EEF1AKMT3: variants seen among roughly 807,000 people sequenced by gnomAD.
EEF1AKMT3 encodes eEF1A-KMT3.
EEF1AKMT3 carries 17 observed loss-of-function variants against 17.8 expected under a neutral mutation model. The ratio of observed to expected loss-of-function variants is 0.96; its 90% CI spans 0.65 to 1.43. The LOEUF (loss-of-function observed/expected upper bound fraction) is 1.43. Ranked by LOEUF, EEF1AKMT3 falls within the 40% of genes most tolerant of loss-of-function variation. The pLI, the probability that EEF1AKMT3 is intolerant of heterozygous loss-of-function variation, is 0.00. For missense variants in EEF1AKMT3, 244 were observed against 285.8 expected (o/e 0.85, Z 1.06); for synonymous variants, 116 against 126.5 (o/e 0.92, Z 0.56).
At chr12:57,778,166 A>C (rs1308057640) in intron 2 of EEF1AKMT3, among the ~76,000 whole-genome samples, 1 of 152,028 alleles carries the variant, frequency 6.6e-6, no homozygotes, top group Non-Finnish European at 1.5e-5. Context: ...TGTCAAACTT[A>C]ACGTGCTCAG....
Position 57,772,921 on chromosome 12 carries a change from G to A in EEF1AKMT3, c.177+20G>A. 1 of 1,613,408 alleles carries A rather than the reference G, an allele frequency of 6.2e-7. No individual in the cohort carries two copies. Among genetic ancestry groups the A allele is most frequent in the East Asian group, 2.2e-5 (1 of 44,874 alleles). The stretch of plus-strand genomic sequence containing the variant: ...GACGCGGTGAGGAATGGGCTGCGCC[G>A]GGTGAGGGTCCGTGGGAGGTCCAGA... On this transcript the variant is annotated intron_variant, in intron 1 of 2. Coordinates refer to ENST00000300209, the MANE Select transcript of EEF1AKMT3 (RefSeq NM_015433.3). This position sits in a 1 kb window ranked among gnomAD's most constrained non-coding sequence, Gnocchi z 4.1.
chr12:57,777,891 C>T (rs893050575), intron 2 of EEF1AKMT3, among the ~76,000 whole-genome samples: 5 of 151,954 alleles, frequency 3.3e-5, no homozygotes, highest in Admixed American at 6.6e-5. Flanking sequence ...TGGTGGCAGG[C>T]GCCTGTAATC....
chr12:57,776,972 G>A (rs1955484384), intron 2 of EEF1AKMT3, among the ~76,000 whole-genome samples: 1 of 152,096 alleles, frequency 6.6e-6, no homozygotes, highest in Non-Finnish European at 1.5e-5. Context: ...TCTAATGATT[G>A]CTTCTGTTTT....
chr12:57,779,321 T>C (rs1331316719), intron 2 of EEF1AKMT3, among the ~76,000 whole-genome samples: 1 of 152,178 alleles, frequency 6.6e-6, no homozygotes, highest in Non-Finnish European at 1.5e-5. Flanking sequence ...TTTTATTTTA[T>C]TTATTTTGTT....
Position 57,772,964 on chromosome 12 carries a change from C to A in EEF1AKMT3, c.178-53C>A, listed in dbSNP as rs1258982689. 1.9e-6 allele frequency: 3 copies of A among 1,613,368 alleles called. No homozygotes were observed. Among genetic ancestry groups the A allele is most frequent in the African/African-American group, 2.7e-5 (2 of 74,920 alleles). ...GGTCCAGATCCCGGACTCCGCCTCT[C>A]CCATATGGAGCCATCCTCACGACTG... On this transcript the variant is annotated intron_variant, in intron 1 of 2. Coordinates refer to ENST00000300209, the MANE Select transcript of EEF1AKMT3 (RefSeq NM_015433.3). This position sits in a 1 kb window ranked among gnomAD's most constrained non-coding sequence, Gnocchi z 4.1.
Position 57,775,467 on chromosome 12 carries a change from C to T in EEF1AKMT3, c.289+2339C>T, listed in dbSNP as rs146589551. 6.7e-3 allele frequency among the ~76,000 whole-genome samples: 1,022 copies of T among 151,962 alleles called. 11 individuals carry two copies. Among genetic ancestry groups the T allele is most frequent in the Middle Eastern group, 0.031 (9 of 294 alleles). On this transcript the variant is annotated intron_variant, in intron 2 of 2. Coordinates refer to ENST00000300209, the MANE Select transcript of EEF1AKMT3 (RefSeq NM_015433.3). ...CATGATCTCGGCTCACCGCAACATC[C>T]GCCTCCTGGGTTCAACCGATTCTCC...
rs2140406225 is a variant in EEF1AKMT3 at position 57,773,109 on chromosome 12, G to A, written c.270G>A (p.Gly90=). The stretch of plus-strand genomic sequence containing the variant: ...TGGGTGCGGGGACAGGCATCGTGGG[G>A]ATCTTGGCAGCGCTGCAGGGTGCGT... ...IELGAGTGIV[G]ILAALQGGDV... is the part of the protein sequence containing the mutation. Residue 90 remains glycine, a synonymous_variant, in exon 2 of 3, where the codon GGG becomes GGA. Coordinates refer to ENST00000300209, the MANE Select transcript of EEF1AKMT3 (RefSeq NM_015433.3). 6.2e-7 allele frequency: 1 copy of A among 1,614,214 alleles called. No individual in the cohort carries two copies. Among genetic ancestry groups the A allele is most frequent in the Non-Finnish European group, 8.5e-7 (1 of 1,180,044 alleles).
chr12:57,772,710 CCCT>C lies in EEF1AKMT3; in HGVS notation c.-14_-12del, dbSNP rs1955449518. 1 of 1,609,590 alleles carries C rather than the reference CCCT, an allele frequency of 6.2e-7. No individual in the cohort carries two copies. The highest frequency in any genetic ancestry group is 1.3e-5 in the African/African-American group (1 of 75,024). ...GCGCCGGCCGCGGTGCCCAGGCACT[CCCT>C]TGGCGGGCCGGATGGCGGACCCCGG... On this transcript the variant is annotated 5_prime_UTR_variant, in exon 1 of 3. Coordinates refer to ENST00000300209, the MANE Select transcript of EEF1AKMT3 (RefSeq NM_015433.3). The surrounding 1 kb of genome is among the most constrained non-coding windows in gnomAD (Gnocchi z 4.1).
chr12:57,773,685 G>A (rs753685527), intron 2 of EEF1AKMT3, among the ~76,000 whole-genome samples: 2 of 152,028 alleles, frequency 1.3e-5, no homozygotes, highest in Admixed American at 6.5e-5. Context: ...CTCGCGAGGC[G>A]CCTGGGATTA....
intron 2 of EEF1AKMT3, among the ~76,000 whole-genome samples, chr12:57,775,996 A>C (rs1024974217): frequency 6.6e-6 from 1 of 152,152 alleles, no homozygotes; most frequent in Non-Finnish European, 1.5e-5. Flanking sequence ...GGACTACTAC[A>C]ACAGCCACAC....
At position 57,782,287 on chromosome 12, in the gene EEF1AKMT3, G is replaced by T. The variant is rs1955521692; in HGVS notation, c.*1641G>T. On this transcript the variant is annotated 3_prime_UTR_variant, in exon 3 of 3. Transcript: ENST00000300209. ...TTCTCACCATTAAATTACCTTGGAG[G>T]GTAGGGCTGTGGTTTACTCCTGTCT... 2 of 153,036 alleles carry T rather than the reference G, an allele frequency of 1.3e-5. No homozygotes were observed. Among genetic ancestry groups the T allele is most frequent in the Non-Finnish European group, 2.9e-5 (2 of 68,628 alleles). The allele number at this position is 153,036 out of a possible 1,614,324, so 9.5% of individuals were successfully genotyped here.
chr12:57,776,994 T>A (rs987726515), intron 2 of EEF1AKMT3, among the ~76,000 whole-genome samples: 7 of 152,098 alleles, frequency 4.6e-5, no homozygotes, highest in Non-Finnish European at 1.0e-4. Context: ...TCAGAAAATG[T>A]CCATATATTT....
chr12:57,778,240 T>G (rs954954774), intron 2 of EEF1AKMT3, among the ~76,000 whole-genome samples: 1 of 149,600 alleles, frequency 6.7e-6, no homozygotes, highest in Non-Finnish European at 1.5e-5. Context: ...TCTAAATGAG[T>G]GGCAATTTGG....
intron 2 of EEF1AKMT3, among the ~76,000 whole-genome samples, chr12:57,775,123 A>AG (rs1955472409): frequency 6.6e-6 from 1 of 150,934 alleles, no homozygotes; most frequent in Non-Finnish European, 1.5e-5. Context: ...AAAAAAAAAA[A>AG]AAAAAAAAAG....
intron 2 of EEF1AKMT3, 58 bp from the exon 3 acceptor site, chr12:57,780,197 G>A: frequency 6.3e-7 from 1 of 1,592,260 alleles, no homozygotes; most frequent in South Asian, 1.1e-5. Flanking sequence ...CCAGGCAGGA[G>A]CCAAGAACCC....
intron 2 of EEF1AKMT3, among the ~76,000 whole-genome samples, chr12:57,773,385 A>G (rs1421156957): frequency 6.6e-6 from 1 of 151,848 alleles, no homozygotes; most frequent in East Asian, 1.9e-4. Context: ...GCAGGCCTAT[A>G]AGAAGGAGTT....
At chr12:57,776,257 C>G (rs1955479683) in intron 2 of EEF1AKMT3, among the ~76,000 whole-genome samples, 1 of 152,078 alleles carries the variant, frequency 6.6e-6, no homozygotes, top group South Asian at 2.1e-4. Context: ...TTCCTCAAAC[C>G]TACTCTGATG....
intron 2 of EEF1AKMT3, among the ~76,000 whole-genome samples, chr12:57,776,419 C>T (rs1955480556): frequency 6.6e-6 from 1 of 152,234 alleles, no homozygotes; most frequent in African/African-American, 2.4e-5. Flanking sequence ...AACTTAGACC[C>T]TCCCAGTACA....
chr12:57,774,123 A>AT (rs1326606856), intron 2 of EEF1AKMT3, among the ~76,000 whole-genome samples: 1 of 152,220 alleles, frequency 6.6e-6, no homozygotes, highest in Non-Finnish European at 1.5e-5. Flanking sequence ...AATTCTTACA[A>AT]TGTCATCTCC....
Sources: allele counts gnomAD v4.1 joint callset (sites outside exome capture counted in the v4.1 genomes callset), GRCh38; gene constraint gnomAD v4.1.1; non-coding constraint Gnocchi (gnomAD v3.1); transcripts MANE v1.5; gene names NCBI Gene and HGNC (gene_info 2026-07-23, HGNC 2026-07-21).